PRMT3: variants seen among roughly 807,000 people sequenced by gnomAD.
The protein encoded by PRMT3 is protein arginine methyltransferase 3, also known as protein arginine N-methyltransferase 3.
Under a neutral mutation model 71.9 loss-of-function variants are expected in PRMT3, and 62 were observed. The observed-to-expected ratio is 0.86, with a 90% CI of 0.70 to 1.07. PRMT3 has a LOEUF of 1.07. Ranked by LOEUF, PRMT3 falls within the 50% of genes least tolerant of loss-of-function variation. The pLI is 0.00. For synonymous variants in PRMT3, 213 were observed against 220.4 expected (o/e 0.97, Z 0.30); for missense variants, 663 against 643.0 (o/e 1.03, Z -0.34).
At chr11:20,452,032 T>A (rs1000496741) in intron 10 of PRMT3, 98 bp from the exon 11 acceptor site, 7 of 807,172 alleles carry the variant, frequency 8.7e-6, no homozygotes, top group East Asian at 2.9e-5. Flanking sequence ...GAAAAAAAAA[T>A]ATTCTGTAAT....
At chr11:20,504,705 T>TGAGAGA (rs1376738536) in intron 15 of PRMT3, among the ~76,000 whole-genome samples, 1 of 109,358 alleles carries the variant, frequency 9.1e-6, no homozygotes. Flanking sequence ...TGTGTGTGTG[T>TGAGAGA]GTGAGAGAGA....
chr11:20,489,893 A>T (rs764951660), intron 13 of PRMT3, among the ~76,000 whole-genome samples: 1 of 151,220 alleles, frequency 6.6e-6, no homozygotes, highest in Non-Finnish European at 1.5e-5. Context: ...TCTGGGCACC[A>T]TAGCGGGACT....
chr11:20,503,880 A>G (rs533952913), intron 15 of PRMT3, among the ~76,000 whole-genome samples: 2 of 152,300 alleles, frequency 1.3e-5, no homozygotes, highest in South Asian at 4.1e-4. Context: ...GTAAGTGTAT[A>G]TTTAACTTTA....
rs781658362 is a variant in PRMT3 at position 20,389,843 on chromosome 11, A to G, written c.247+17A>G. On this transcript the variant is annotated intron_variant, in intron 3 of 15. Coordinates refer to ENST00000331079, the MANE Select transcript of PRMT3 (RefSeq NM_005788.4). ...ATAAACATGGTGAGTAGTTTTTAGA[A>G]TAAAGGCAATTTAATTTGTGAAATT... 2.2e-5 allele frequency: 35 copies of G among 1,579,120 alleles called. 1 individual carries two copies. In the Admixed American group the frequency reaches 5.2e-4, roughly 23 times the overall value.
chr11:20,388,484 A>C (rs1390921640), intron 2 of PRMT3, among the ~76,000 whole-genome samples: 1 of 152,202 alleles, frequency 6.6e-6, no homozygotes, highest in Non-Finnish European at 1.5e-5. Context: ...GGGTCTAAGA[A>C]TATTCTGTTT....
intron 9 of PRMT3, among the ~76,000 whole-genome samples, chr11:20,410,137 A>G (rs1849163393): frequency 6.6e-6 from 1 of 152,092 alleles, no homozygotes; most frequent in Admixed American, 6.5e-5. Flanking sequence ...TTGTCTTTGT[A>G]GAAACATGTT....
intron 7 of PRMT3, among the ~76,000 whole-genome samples, chr11:20,400,875 TTGA>T (rs1331272066): frequency 6.6e-6 from 1 of 152,174 alleles, no homozygotes; most frequent in African/African-American, 2.4e-5. Flanking sequence ...CTGTTTATTG[TTGA>T]TTTGTATTGA....
intron 15 of PRMT3, among the ~76,000 whole-genome samples, chr11:20,497,652 G>A (rs1851363269): frequency 6.6e-6 from 1 of 152,144 alleles, no homozygotes; most frequent in African/African-American, 2.4e-5. Flanking sequence ...AGATCTATAG[G>A]AAGACTCCCG....
intron 13 of PRMT3, among the ~76,000 whole-genome samples, chr11:20,474,526 G>T (rs1455323102): frequency 1.3e-5 from 2 of 152,236 alleles, no homozygotes; most frequent in African/African-American, 4.8e-5. Context: ...CCCAGCGGCT[G>T]CTCTGCCAGG....
intron 13 of PRMT3, among the ~76,000 whole-genome samples, chr11:20,481,139 A>AT (rs750802564): frequency 1.2e-4 from 18 of 152,084 alleles, no homozygotes; most frequent in Non-Finnish European, 2.5e-4. Context: ...ATGAGGATGT[A>AT]TTTTTTAACC....
intron 13 of PRMT3, among the ~76,000 whole-genome samples, chr11:20,489,223 TCTGA>T (rs2133446655): frequency 6.6e-6 from 1 of 152,364 alleles, no homozygotes; most frequent in Admixed American, 6.5e-5. Flanking sequence ...TATAAATTTT[TCTGA>T]CTGTGGTATA....
chr11:20,443,115 C>G (rs996768931), intron 10 of PRMT3, among the ~76,000 whole-genome samples: 1 of 152,222 alleles, frequency 6.6e-6, no homozygotes, highest in African/African-American at 2.4e-5. Context: ...TTTCCTCAGT[C>G]TTACCAAAGA....
At chr11:20,441,158 C>T (rs1253957557) in intron 10 of PRMT3, among the ~76,000 whole-genome samples, 2 of 151,620 alleles carry the variant, frequency 1.3e-5, no homozygotes, top group Non-Finnish European at 1.5e-5. Context: ...ATTTTATGGT[C>T]GTTTTATACT....
chr11:20,452,873 GCTTT>G (rs1188846418), intron 11 of PRMT3, among the ~76,000 whole-genome samples: 1 of 152,134 alleles, frequency 6.6e-6, no homozygotes, highest in African/African-American at 2.4e-5. Flanking sequence ...TGTTTGTTTA[GCTTT>G]AACTCTTAAA....
chr11:20,475,292 C>A (rs965696059), intron 13 of PRMT3, among the ~76,000 whole-genome samples: 22 of 152,208 alleles, frequency 1.4e-4, no homozygotes, highest in African/African-American at 5.1e-4. Flanking sequence ...CTACTTTCTA[C>A]AGTGCCGCTC....
chr11:20,409,654 A>AACACAC (rs60686099), intron 9 of PRMT3, among the ~76,000 whole-genome samples: 12,128 of 144,154 alleles, frequency 0.084, 607 homozygotes, highest in African/African-American at 0.11. Flanking sequence ...GGAATACACA[A>AACACAC]ACACACACAC....
intron 15 of PRMT3, among the ~76,000 whole-genome samples, chr11:20,499,767 G>A (rs1051386420): frequency 6.6e-6 from 1 of 152,124 alleles, no homozygotes; most frequent in African/African-American, 2.4e-5. Flanking sequence ...AAAGGATCTG[G>A]AAAATGCCAA....
chr11:20,508,383 T>C lies in PRMT3; in HGVS notation c.1566T>C (p.Asn522=), dbSNP rs1282678299. Residue 522 remains asparagine (N), a synonymous_variant, in exon 16 of 16, where the codon AAT becomes AAC. Transcript: ENST00000331079. Reference sequence around the variant, plus strand: ...CTCTCACCGTGACCCTCACGTTGAATAATTCAACTCAAACTTATGGTCTCC... The same window carrying C: ...CTCTCACCGTGACCCTCACGTTGAACAATTCAACTCAAACTTATGGTCTCC... ...PRSLTVTLTL[N]NSTQTYGLQ The C allele has an allele frequency of 6.2e-7, 1 of 1,608,438 alleles. No homozygotes were observed. Among genetic ancestry groups the C allele is most frequent in the Non-Finnish European group, 8.5e-7 (1 of 1,174,912 alleles).
At chr11:20,464,680 G>T (rs1201678769) in intron 13 of PRMT3, 134 bp downstream of exon 13, 4 of 1,399,760 alleles carry the variant, frequency 2.9e-6, no homozygotes, top group Non-Finnish European at 3.8e-6. Flanking sequence ...GCCTTTGCTA[G>T]GCCATTGAAC....
Sources: allele counts gnomAD v4.1 joint callset (sites outside exome capture counted in the v4.1 genomes callset), GRCh38; gene constraint gnomAD v4.1.1; transcripts MANE v1.5; gene names NCBI Gene and HGNC (gene_info 2026-07-23, HGNC 2026-07-21).